Variants in GRID2 observed in about 807,000 individuals in gnomAD.
GRID2 encodes the protein glutamate ionotropic receptor delta type subunit 2, also known as glutamate receptor ionotropic, delta-2.
Under a neutral mutation model 114.8 loss-of-function variants are expected in GRID2, and 33 were observed. The observed-to-expected ratio is 0.29, with a 90% CI of 0.22 to 0.38. The LOEUF (loss-of-function observed/expected upper bound fraction) is 0.38. GRID2 is among the 10% of genes least tolerant of loss of function. The pLI, the probability that GRID2 is intolerant of heterozygous loss-of-function variation, is 1.00. For synonymous variants in GRID2, 505 were observed against 449.9 expected (o/e 1.12, Z -1.55); for missense variants, 1,184 against 1,257.7 (o/e 0.94, Z 0.89).
At chr4:93,262,638 T>C (rs1579466632) in intron 8 of GRID2, among the ~76,000 whole-genome samples, 1 of 151,988 alleles carries the variant, frequency 6.6e-6, no homozygotes, top group Non-Finnish European at 1.5e-5. Context: ...TTCGTAATCT[T>C]ACTACTTTGA....
intron 10 of GRID2, among the ~76,000 whole-genome samples, chr4:93,432,892 A>G (rs1014251471): frequency 6.6e-6 from 1 of 151,970 alleles, no homozygotes; most frequent in Non-Finnish European, 1.5e-5. Context: ...AGAGACCTCC[A>G]CCTCTAAAAA....
intron 2 of GRID2, among the ~76,000 whole-genome samples, chr4:92,797,649 A>G (rs111542433): frequency 9.2e-5 from 14 of 152,124 alleles, no homozygotes; most frequent in African/African-American, 3.4e-4. Flanking sequence ...GAAAAAAAGT[A>G]TCTTTATATT....
chr4:93,251,483 C>A (rs1748925001), intron 8 of GRID2, among the ~76,000 whole-genome samples: 2 of 152,068 alleles, frequency 1.3e-5, no homozygotes, highest in East Asian at 1.9e-4. Flanking sequence ...TAATTTGTAA[C>A]CATATTTGTA....
intron 14 of GRID2, among the ~76,000 whole-genome samples, chr4:93,697,529 T>A (rs576421284): frequency 1.1e-4 from 17 of 152,104 alleles, no homozygotes; most frequent in Non-Finnish European, 2.5e-4. Context: ...GGTGGATTTG[T>A]TCCATGCCAA....
At chr4:93,506,972 G>T (rs890763771) in intron 12 of GRID2, among the ~76,000 whole-genome samples, 1 of 152,128 alleles carries the variant, frequency 6.6e-6, no homozygotes. Flanking sequence ...ACCCCACACC[G>T]TGAGGAATAC....
chr4:93,353,098 G>C (rs975352221), intron 8 of GRID2, among the ~76,000 whole-genome samples: 2 of 152,200 alleles, frequency 1.3e-5, no homozygotes, highest in Admixed American at 1.3e-4. Flanking sequence ...AAAGCCAGGT[G>C]AGGCTGAAGA....
intron 11 of GRID2, among the ~76,000 whole-genome samples, chr4:93,460,295 A>G (rs1272911611): frequency 1.3e-5 from 2 of 152,160 alleles, no homozygotes; most frequent in Non-Finnish European, 2.9e-5. Flanking sequence ...CGTGCCTCAC[A>G]TTTAATTGCC....
Position 92,990,198 on chromosome 4 carries a change from CTGTGTGTGTGTGTGTGTG to C in GRID2, c.245-94762_245-94745del, listed in dbSNP as rs3970985. On this transcript the variant is annotated intron_variant, in intron 2 of 15. Transcript: ENST00000282020. ...AGAGTGGCATTCATCTTAACATTTTCTGTGTGTGTGTGTGTGTGTGTGTGTGTGTGTGTGTGTGTGTGT... is the reference window on the plus strand; with the variant it reads ...AGAGTGGCATTCATCTTAACATTTTCTGTGTGTGTGTGTGTGTGTGTGTGT... Among the ~76,000 whole-genome samples the C allele has an allele frequency of 8.6e-3, 1,075 of 124,792 alleles. 12 individuals carry two copies. Among genetic ancestry groups the C allele is most frequent in the African/African-American group, 0.021 (690 of 32,714 alleles). The allele number at this position is 124,792 out of a possible 152,430, so 81.9% of individuals were successfully genotyped here. A position where few individuals can be genotyped will look rare whatever the true frequency, so the allele number is the denominator to read the frequency against.
At chr4:92,325,179 T>A (rs1311716787) in intron 1 of GRID2, among the ~76,000 whole-genome samples, 1 of 151,956 alleles carries the variant, frequency 6.6e-6, no homozygotes, top group African/African-American at 2.4e-5. Flanking sequence ...TTGTCACATG[T>A]GTCTCAGCTC....
At chr4:92,637,310 ATAAAT>A (rs1158887536) in intron 2 of GRID2, among the ~76,000 whole-genome samples, 2 of 152,056 alleles carry the variant, frequency 1.3e-5, no homozygotes, top group East Asian at 1.9e-4. Flanking sequence ...GGTTAATCAC[ATAAAT>A]TAAAGGAATG....
At chr4:92,950,721 C>T (rs569851920) in intron 2 of GRID2, among the ~76,000 whole-genome samples, 9 of 152,274 alleles carry the variant, frequency 5.9e-5, no homozygotes, top group African/African-American at 1.9e-4. Context: ...CTTTACTTTC[C>T]ATTATTTATA....
intron 2 of GRID2, among the ~76,000 whole-genome samples, chr4:92,652,699 G>C (rs889651779): frequency 6.9e-6 from 1 of 144,778 alleles, no homozygotes; most frequent in Admixed American, 7.0e-5. Flanking sequence ...GGCCGGGCGC[G>C]GTGGCTCACT....
At chr4:93,342,260 C>T (rs10019885) in intron 8 of GRID2, among the ~76,000 whole-genome samples, 67,703 of 151,824 alleles carry the variant, frequency 0.45, 16,006 homozygotes, top group East Asian at 0.7. Context: ...TTTGCACTAG[C>T]TAAATTTGCT....
chr4:92,565,536 T>C (rs1727293931), intron 1 of GRID2, among the ~76,000 whole-genome samples: 2 of 152,068 alleles, frequency 1.3e-5, no homozygotes, highest in African/African-American at 2.4e-5. Flanking sequence ...TAAGCTATTA[T>C]ACTGCTATCT....
intron 2 of GRID2, among the ~76,000 whole-genome samples, chr4:92,947,844 G>C (rs1167847492): frequency 1.3e-5 from 2 of 151,764 alleles, no homozygotes; most frequent in African/African-American, 4.8e-5. Context: ...CTGATAATCA[G>C]TATTTTTATT....
intron 4 of GRID2, among the ~76,000 whole-genome samples, chr4:93,184,835 T>C (rs1199382223): frequency 2.6e-5 from 4 of 152,078 alleles, no homozygotes; most frequent in African/African-American, 9.7e-5. Flanking sequence ...TCAGCCAAGA[T>C]TGCACCTCTG....
At chr4:92,593,381 T>C (rs535358005) in intron 2 of GRID2, among the ~76,000 whole-genome samples, 105 of 152,150 alleles carry the variant, frequency 6.9e-4, no homozygotes, top group African/African-American at 2.4e-3. Flanking sequence ...CTGTTCACTG[T>C]ATCTTTCTAC....
chr4:93,701,489 A>T (rs1727502726), intron 14 of GRID2, among the ~76,000 whole-genome samples: 1 of 152,166 alleles, frequency 6.6e-6, no homozygotes, highest in Non-Finnish European at 1.5e-5. Context: ...TTTCTAAATT[A>T]ATGGGAGCAA....
chr4:92,937,053 T>C (rs1046617035), intron 2 of GRID2, among the ~76,000 whole-genome samples: 1 of 146,592 alleles, frequency 6.8e-6, no homozygotes, highest in African/African-American at 2.4e-5. Flanking sequence ...TGTTGACTTG[T>C]GAAAGTTCTT....
Sources: gnomAD v4.1 joint callset for allele counts (sites outside exome capture counted in the v4.1 genomes callset) on GRCh38, gnomAD v4.1.1 for gene constraint, MANE v1.5 for transcripts, NCBI Gene and HGNC (gene_info 2026-07-23, HGNC 2026-07-21) for gene names.